Variants in SCN11A observed in about 807,000 individuals in gnomAD.
The protein encoded by SCN11A is sodium channel protein type 11 subunit alpha.
SCN11A carries 122 observed loss-of-function variants against 162.2 expected under a neutral mutation model. That is an observed-to-expected ratio of 0.75 (90% confidence interval 0.65 to 0.87). The LOEUF (loss-of-function observed/expected upper bound fraction) is 0.87, where lower values mean the gene tolerates loss of function less well. Among genes scored for constraint, SCN11A ranks in the 40% least tolerant of loss-of-function variants. The pLI is 0.00. For missense variants in SCN11A, 2,015 were observed against 2,181.6 expected (o/e 0.92, Z 1.52); for synonymous variants, 758 against 751.5 (o/e 1.01, Z -0.14).
intron 2 of SCN11A, among the ~76,000 whole-genome samples, chr3:38,990,393 A>G (rs986056809): frequency 4.6e-5 from 7 of 152,130 alleles, no homozygotes; most frequent in African/African-American, 1.7e-4. Context: ...ATGTGGGCAC[A>G]AAGGAGTGAA....
Position 39,001,164 on chromosome 3 carries a change from G to A in SCN11A, c.-280+31216C>T, listed in dbSNP as rs543593488. 1.4e-3 allele frequency among the ~76,000 whole-genome samples: 210 copies of A among 152,328 alleles called. 1 individual carries two copies. Among genetic ancestry groups the A allele is most frequent in the Non-Finnish European group, 2.5e-3 (171 of 68,040 alleles). On this transcript the variant is annotated intron_variant, in intron 2 of 29. Coordinates refer to ENST00000302328, the MANE Select transcript of SCN11A (RefSeq NM_001349253.2). ...TTCACCATTTTAACCATCTGAAAGT[G>A]TACAATTCAGTGGCTTTTGATATAT...
At chr3:38,998,018 G>A (rs1302294182) in intron 2 of SCN11A, among the ~76,000 whole-genome samples, 2 of 152,056 alleles carry the variant, frequency 1.3e-5, no homozygotes, top group African/African-American at 2.4e-5. Flanking sequence ...GAGAAGAAAA[G>A]GATTTTCATA....
At chr3:38,881,740 C>A (rs183040355) in intron 22 of SCN11A, among the ~76,000 whole-genome samples, 47 of 152,300 alleles carry the variant, frequency 3.1e-4, no homozygotes, top group Middle Eastern at 3.4e-3. Context: ...CTCTTGTTCT[C>A]ATTCTCTACA....
At chr3:38,992,836 A>T (rs1431419546) in intron 2 of SCN11A, among the ~76,000 whole-genome samples, 5 of 152,238 alleles carry the variant, frequency 3.3e-5, no homozygotes, top group African/African-American at 1.2e-4. Context: ...CATCAAGGGC[A>T]GGTAGAGTTT....
intron 19 of SCN11A, among the ~76,000 whole-genome samples, chr3:38,892,529 T>A (rs577452129): frequency 6.6e-6 from 1 of 152,260 alleles, no homozygotes; most frequent in Non-Finnish European, 1.5e-5. Flanking sequence ...TGCAGGTAAC[T>A]CACAGTCACA....
In SCN11A at chr3:38,869,336, C is replaced by T. The variant is rs961503554; in HGVS notation, c.3813+1355G>A. Among the ~76,000 whole-genome samples the T allele has an allele frequency of 3.3e-5, 5 of 152,000 alleles. No homozygotes were observed. In the South Asian group the frequency reaches 6.3e-4, roughly 19 times the overall value. On this transcript the variant is annotated intron_variant, in intron 26 of 29. Coordinates refer to ENST00000302328, the MANE Select transcript of SCN11A (RefSeq NM_001349253.2). ...AGTGAAGGTCATGTACTCGAAAAGA[C>T]GAAAGAAATGAGTACATTAGTATTT...
At chr3:38,848,210 T>C (rs923586576) in intron 29 of SCN11A, among the ~76,000 whole-genome samples, 2 of 152,228 alleles carry the variant, frequency 1.3e-5, no homozygotes, top group African/African-American at 4.8e-5. Context: ...TAAATGTCAT[T>C]TCAGAGGTTT....
At chr3:39,040,584 G>A (rs903337593) in intron 1 of SCN11A, among the ~76,000 whole-genome samples, 1 of 152,122 alleles carries the variant, frequency 6.6e-6, no homozygotes, top group African/African-American at 2.4e-5. Context: ...ATGAGCCTAA[G>A]GAACCTCAGC....
chr3:38,908,263 C>T (rs546436061), intron 13 of SCN11A, 141 bp from the exon 14 acceptor site: 26 of 703,440 alleles, frequency 3.7e-5, no homozygotes, highest in East Asian at 1.3e-4. Context: ...ACCTGGACTA[C>T]GCTAGCTCTG....
intron 1 of SCN11A, among the ~76,000 whole-genome samples, chr3:39,034,824 C>G (rs1050403313): frequency 6.6e-6 from 1 of 152,018 alleles, no homozygotes; most frequent in Non-Finnish European, 1.5e-5. Flanking sequence ...AGTGAACAAT[C>G]TGAAGGAAGG....
intron 9 of SCN11A, among the ~76,000 whole-genome samples, chr3:38,923,805 G>C (rs775353300): frequency 6.6e-6 from 1 of 152,110 alleles, no homozygotes; most frequent in African/African-American, 2.4e-5. Flanking sequence ...AGTCGGGGGA[G>C]CAGGAGTGGG....
At chr3:38,992,433 A>G (rs530411123) in intron 2 of SCN11A, among the ~76,000 whole-genome samples, 41 of 152,326 alleles carry the variant, frequency 2.7e-4, no homozygotes, top group African/African-American at 9.4e-4. Context: ...TGGTTTTACT[A>G]AATATAACTG....
At chr3:38,983,698 T>C (rs976635047) in intron 2 of SCN11A, among the ~76,000 whole-genome samples, 1 of 152,246 alleles carries the variant, frequency 6.6e-6, no homozygotes, top group African/African-American at 2.4e-5. Context: ...GAGTTGCTAA[T>C]GACTCTTAAG....
At chr3:39,042,569 A>G (rs1287420246) in intron 1 of SCN11A, among the ~76,000 whole-genome samples, 2 of 152,328 alleles carry the variant, frequency 1.3e-5, no homozygotes, top group Admixed American at 1.3e-4. Context: ...AGAAAATATT[A>G]GCAAACTATC....
rs79380565 is a variant in SCN11A, at chr3:39,015,089, T to C, written c.-280+17291A>G. On this transcript the variant is annotated intron_variant, in intron 2 of 29. Coordinates refer to ENST00000302328, the MANE Select transcript of SCN11A (RefSeq NM_001349253.2). ...TCATGTTAAAATTTAATTGCCATTG[T>C]AGCAATATTAAGAGGTGGAGCCTTT... 1.6e-3 allele frequency among the ~76,000 whole-genome samples: 237 copies of C among 152,062 alleles called. 7 individuals carry two copies. In the East Asian group the frequency reaches 0.039, roughly 25 times the overall value.
At chr3:38,978,897 A>G (rs972994264) in intron 2 of SCN11A, among the ~76,000 whole-genome samples, 2 of 152,098 alleles carry the variant, frequency 1.3e-5, no homozygotes, top group African/African-American at 4.8e-5. Flanking sequence ...GTATTTGCAC[A>G]TGCCACTCGA....
chr3:38,856,607 G>A (rs1166390626), intron 28 of SCN11A, among the ~76,000 whole-genome samples: 1 of 152,054 alleles, frequency 6.6e-6, no homozygotes, highest in Non-Finnish European at 1.5e-5. Context: ...GCCCACTGTT[G>A]GGTATTACAT....
At chr3:39,020,319 A>G (rs1195053366) in intron 2 of SCN11A, among the ~76,000 whole-genome samples, 1 of 152,222 alleles carries the variant, frequency 6.6e-6, no homozygotes, top group African/African-American at 2.4e-5. Context: ...GGTGTGGTCA[A>G]TGTTGCAACG....
At chr3:38,990,014 G>A (rs1013214433) in intron 2 of SCN11A, among the ~76,000 whole-genome samples, 3 of 152,082 alleles carry the variant, frequency 2.0e-5, no homozygotes, top group Non-Finnish European at 4.4e-5. Context: ...TGCCTCTTTT[G>A]ATTACAGGAG....
Sources: allele counts gnomAD v4.1 joint callset (sites outside exome capture counted in the v4.1 genomes callset), GRCh38; gene constraint gnomAD v4.1.1; transcripts MANE v1.5; gene names NCBI Gene and HGNC (gene_info 2026-07-23, HGNC 2026-07-21).